Variants in PHF11 observed in about 807,000 individuals in gnomAD.
PHF11 encodes the protein BRCA1 C-terminus-associated protein.
PHF11 carries 38 observed loss-of-function variants against 40.5 expected under a neutral mutation model. That is an observed-to-expected ratio of 0.94 (90% CI 0.72 to 1.23). The LOEUF (loss-of-function observed/expected upper bound fraction) is 1.23. Ranked by LOEUF, PHF11 falls within the 50% of genes most tolerant of loss-of-function variation. The pLI is 0.00. For missense variants in PHF11, 369 were observed against 392.4 expected, an observed-to-expected ratio of 0.94 and a Z score of 0.50; for synonymous variants, 127 against 138.2, an observed-to-expected ratio of 0.92 and a Z score of 0.57.
intron 3 of PHF11, among the ~76,000 whole-genome samples, chr13:49,513,865 C>T (rs1224771174): frequency 1.3e-5 from 2 of 152,186 alleles, no homozygotes; most frequent in African/African-American, 4.8e-5. Context: ...TCCCCAACAT[C>T]AGCTGGTCCC....
At position 49,528,612 on chromosome 13, in the gene PHF11, G is replaced by A. The variant is rs1959411744; in HGVS notation, c.943G>A (p.Glu315Lys). ...AAAACAAACCTTGTGCTCTTTTCAA[G>A]AAAATAGAGATCTTATGTCAAGTTC... ...DLKQTLCSFQ[E>K]NRDLMSSSTS... Residue 315 changes from glutamate to lysine, a missense_variant, in exon 10 of 10, where the codon GAA becomes AAA. Physicochemically the swap from Glu to Lys is moderately conservative, Grantham distance 56 (BLOSUM62 1). Coordinates refer to ENST00000378319, the MANE Select transcript of PHF11 (RefSeq NM_001040443.3). The A allele has an allele frequency of 6.2e-7, 1 of 1,611,130 alleles. No homozygotes were observed. Among genetic ancestry groups the A allele is most frequent in the African/African-American group, 1.3e-5 (1 of 74,858 alleles).
At chr13:49,520,112 A>C (rs560267225) in intron 4 of PHF11, among the ~76,000 whole-genome samples, 1 of 152,268 alleles carries the variant, frequency 6.6e-6, no homozygotes, top group African/African-American at 2.4e-5. Flanking sequence ...CAATGGTGCG[A>C]TCTCAGCTCA....
At chr13:49,513,196 T>C (rs1959101293) in intron 3 of PHF11, 30 bp downstream of exon 3, 1 of 1,032,170 alleles carries the variant, frequency 9.7e-7, no homozygotes, top group Non-Finnish European at 1.5e-6. Context: ...TTTCTTATAC[T>C]GGATGAACAG....
At chr13:49,507,597 A>G (rs149654122) in intron 2 of PHF11, among the ~76,000 whole-genome samples, 81 of 152,344 alleles carry the variant, frequency 5.3e-4, no homozygotes, top group Non-Finnish European at 8.2e-4. Flanking sequence ...AAGAGATTGT[A>G]CCATTTAATA....
chr13:49,500,038 G>A (rs1160826569), intron 1 of PHF11, among the ~76,000 whole-genome samples: 1 of 152,166 alleles, frequency 6.6e-6, no homozygotes, highest in African/African-American at 2.4e-5. Flanking sequence ...ACATTGAAGA[G>A]GGCCTGCAGA....
In PHF11 at chr13:49,528,747, T is replaced by A; in HGVS notation, c.*82T>A. Reference sequence around the variant, plus strand: ...GAGACCAGGCTGTGAAATCCACACATCTTTAGAACTAGTCGTCTCCTCTTG... The same window carrying A: ...GAGACCAGGCTGTGAAATCCACACAACTTTAGAACTAGTCGTCTCCTCTTG... On this transcript the variant is annotated 3_prime_UTR_variant, in exon 10 of 10. Coordinates refer to ENST00000378319, the MANE Select transcript of PHF11 (RefSeq NM_001040443.3). 1 of 956,126 alleles carries A rather than the reference T, an allele frequency of 1.0e-6. No homozygotes were observed. Among genetic ancestry groups the A allele is most frequent in the Non-Finnish European group, 1.6e-6 (1 of 630,100 alleles). The allele number at this position is 956,126 out of a possible 1,614,324, so 59.2% of individuals were successfully genotyped here.
intron 1 of PHF11, 52 bp from the exon 2 acceptor site, chr13:49,506,583 T>G: frequency 8.8e-6 from 14 of 1,585,076 alleles, no homozygotes; most frequent in South Asian, 2.2e-5. Flanking sequence ...GAGGAGTTAG[T>G]GAGACCAAGA....
In PHF11 at chr13:49,513,754, C is replaced by T. The variant is rs527975935; in HGVS notation, c.324+588C>T. ...CAGACTTTTACAAAGAGGATACTTA[C>T]TTTTTCACTTGATCAGAGAAAACAC... On this transcript the variant is annotated intron_variant, in intron 3 of 9. Transcript: ENST00000378319. Among the ~76,000 whole-genome samples, 3 of 152,330 alleles carry T rather than the reference C, an allele frequency of 2.0e-5. No homozygotes were observed. The South Asian group carries it at 6.2e-4, about 32-fold the overall frequency.
intron 8 of PHF11, among the ~76,000 whole-genome samples, chr13:49,525,284 C>G (rs1024281800): frequency 4.6e-5 from 7 of 152,162 alleles, no homozygotes; most frequent in African/African-American, 1.7e-4. Flanking sequence ...GTCTCGCTCT[C>G]TCTCCCAGGC....
At chr13:49,502,435 A>G (rs557402134) in intron 1 of PHF11, among the ~76,000 whole-genome samples, 49 of 152,386 alleles carry the variant, frequency 3.2e-4, no homozygotes, top group African/African-American at 1.2e-3. Context: ...CAAGTAAAAC[A>G]TTTAAATATT....
At chr13:49,519,758 G>A (rs1415682622) in intron 4 of PHF11, among the ~76,000 whole-genome samples, 1 of 152,096 alleles carries the variant, frequency 6.6e-6, no homozygotes, top group African/African-American at 2.4e-5. Flanking sequence ...TTTCAACACT[G>A]TTTTATATGT....
intron 4 of PHF11, 158 bp downstream of exon 4, chr13:49,518,309 A>T: frequency 2.7e-6 from 1 of 365,628 alleles, no homozygotes; most frequent in South Asian, 1.0e-4. Context: ...TGAATTTTGA[A>T]TTTCAGTGAA....
chr13:49,518,190 T>C (rs143395508), intron 4 of PHF11, 39 bp downstream of exon 4: 58 of 1,444,880 alleles, frequency 4.0e-5, no homozygotes, highest in Middle Eastern at 1.8e-4. Flanking sequence ...ATTTGGGGGA[T>C]TGGGATAAGG....
At chr13:49,522,399 G>A (rs1228245731) in intron 6 of PHF11, among the ~76,000 whole-genome samples, 1 of 152,110 alleles carries the variant, frequency 6.6e-6, no homozygotes, top group African/African-American at 2.4e-5. Context: ...GACATTCTCC[G>A]AGCTCCTATA....
chr13:49,528,855 A>C lies in PHF11; in HGVS notation c.*190A>C. On this transcript the variant is annotated 3_prime_UTR_variant, in exon 10 of 10. Coordinates refer to ENST00000378319, the MANE Select transcript of PHF11 (RefSeq NM_001040443.3). ...TCTTGTGTTTTTTGCTCACTGTCAC[A>C]TTCCCAGCACCTAGTATGCTCAGTA... The C allele has an allele frequency of 3.8e-6, 2 of 522,282 alleles. No individual in the cohort carries two copies. Among genetic ancestry groups the C allele is most frequent in the South Asian group, 3.2e-5 (1 of 31,166 alleles). 32.4% of individuals were successfully genotyped at this position (522,282 alleles called of 1,614,324 possible).
intron 1 of PHF11, among the ~76,000 whole-genome samples, chr13:49,502,199 G>A (rs1357893584): frequency 6.6e-6 from 1 of 152,086 alleles, no homozygotes; most frequent in African/African-American, 2.4e-5. Flanking sequence ...TACTTTGGAG[G>A]CTGAGGTGAG....
In PHF11 at chr13:49,523,530, T is replaced by A. The variant is rs530824873; in HGVS notation, c.637+289T>A. 6.1e-4 allele frequency: 257 copies of A among 419,442 alleles called. 8 individuals are homozygous for A. The South Asian group carries it at 7.8e-3, about 13-fold the overall frequency. 26.0% of individuals were successfully genotyped at this position (419,442 alleles called of 1,614,324 possible). On this transcript the variant is annotated intron_variant, in intron 7 of 9. Coordinates refer to ENST00000378319, the MANE Select transcript of PHF11 (RefSeq NM_001040443.3). ...TCAGAATCCAGCAATGTGTCACCCC[T>A]CACACTGTGACCCCTGTAACTGTAG... is the stretch of plus-strand genomic sequence containing the variant.
intron 1 of PHF11, among the ~76,000 whole-genome samples, chr13:49,497,396 C>G (rs1370356723): frequency 2.6e-5 from 4 of 152,202 alleles, no homozygotes; most frequent in African/African-American, 9.6e-5. Flanking sequence ...TTCCATTCGC[C>G]CAGGTGCTCC....
intron 3 of PHF11, among the ~76,000 whole-genome samples, chr13:49,517,810 C>T (rs1219037650): frequency 6.6e-6 from 1 of 152,138 alleles, no homozygotes; most frequent in Non-Finnish European, 1.5e-5. Flanking sequence ...CCAAGCATTC[C>T]GGTTAGCTGA....
Sources: allele counts gnomAD v4.1 joint callset (sites outside exome capture counted in the v4.1 genomes callset), GRCh38; gene constraint gnomAD v4.1.1; transcripts MANE v1.5; gene names NCBI Gene and HGNC (gene_info 2026-07-23, HGNC 2026-07-21).